Variants in PPARGC1A observed in about 807,000 individuals in gnomAD.
PPARGC1A encodes the protein peroxisome proliferator-activated receptor gamma coactivator 1-alpha.
PPARGC1A carries 25 observed loss-of-function variants against 88.7 expected under a neutral mutation model. The ratio of observed to expected loss-of-function variants is 0.28; its 90% CI spans 0.21 to 0.39. PPARGC1A has a LOEUF of 0.39. Among genes scored for constraint, PPARGC1A ranks in the 10% least tolerant of loss-of-function variants. PPARGC1A has a pLI of 1.00. For synonymous variants in PPARGC1A, 363 were observed against 355.6 expected, an observed-to-expected ratio of 1.02 and a Z score of -0.24; for missense variants, 880 against 968.7, an observed-to-expected ratio of 0.91 and a Z score of 1.22.
At chr4:24,177,543 C>T in the PPARGC1A span, among the ~76,000 whole-genome samples, 3 of 151,538 alleles carry the variant, frequency 2.0e-5, no homozygotes, top group East Asian at 5.8e-4. Context: ...GTGCAGCACA[C>T]CAACATGGCA....
the PPARGC1A span, among the ~76,000 whole-genome samples, chr4:23,943,346 T>G: frequency 6.6e-6 from 1 of 152,048 alleles, no homozygotes; most frequent in Admixed American, 6.6e-5. Context: ...GGTTTTGCCT[T>G]TGTAGAAAGT....
chr4:24,257,691 T>G, the PPARGC1A span, among the ~76,000 whole-genome samples: 1 of 152,184 alleles, frequency 6.6e-6, no homozygotes, highest in African/African-American at 2.4e-5. Flanking sequence ...CCCTGCCCCA[T>G]GTCTGCAAAC....
At chr4:23,904,397 C>T (rs577535236), upstream of PPARGC1A, among the ~76,000 whole-genome samples, 5 of 152,262 alleles carry the variant, frequency 3.3e-5, no homozygotes, top group East Asian at 3.9e-4. Flanking sequence ...GGTGCACTCT[C>T]CCTGTGATTT....
the PPARGC1A span, among the ~76,000 whole-genome samples, chr4:24,159,114 T>C: frequency 3.3e-5 from 5 of 152,128 alleles, no homozygotes; most frequent in Admixed American, 6.5e-5. Flanking sequence ...TTATAAATGT[T>C]GTCTTATTTG....
the PPARGC1A span, among the ~76,000 whole-genome samples, chr4:24,062,787 T>G: frequency 6.6e-6 from 1 of 152,218 alleles, no homozygotes; most frequent in Non-Finnish European, 1.5e-5. Flanking sequence ...ATACTACCAA[T>G]TCAAATAGTC....
chr4:24,235,427 CAT>C, the PPARGC1A span, among the ~76,000 whole-genome samples: 1 of 152,200 alleles, frequency 6.6e-6, no homozygotes. Context: ...CCAGCCACCA[CAT>C]GAGAATTGTC....
the PPARGC1A span, among the ~76,000 whole-genome samples, chr4:24,382,920 G>A: frequency 6.6e-6 from 1 of 152,308 alleles, no homozygotes; most frequent in South Asian, 2.1e-4. Flanking sequence ...GTGGGTCCCT[G>A]ACCCCCATGC....
rs565625219 is a variant in PPARGC1A at position 23,824,525 on chromosome 4, G to A, written c.758-17C>T. ...TTGGTTTGGCTAAAGAAAAAAAAAA[G>A]AAACTAATTATGTAATATTGAGTGT... is the stretch of plus-strand genomic sequence containing the variant. On this transcript the variant is annotated splice_polypyrimidine_tract_variant and intron_variant, in intron 5 of 12. Coordinates refer to ENST00000264867, the MANE Select transcript of PPARGC1A (RefSeq NM_013261.5). 21 of 1,556,044 alleles carry A rather than the reference G, an allele frequency of 1.3e-5. No homozygotes were observed. The East Asian group carries it at 3.6e-4, about 27-fold the overall frequency.
chr4:24,202,802 T>C, the PPARGC1A span, among the ~76,000 whole-genome samples: 1 of 152,174 alleles, frequency 6.6e-6, no homozygotes, highest in Non-Finnish European at 1.5e-5. Context: ...GGTCATTACC[T>C]GGCAACATGA....
the PPARGC1A span, among the ~76,000 whole-genome samples, chr4:24,401,152 G>A: frequency 6.6e-6 from 1 of 150,894 alleles, no homozygotes. Flanking sequence ...CCGAGTAGCT[G>A]GGGCTACAGG....
At chr4:23,990,193 A>G in the PPARGC1A span, among the ~76,000 whole-genome samples, 1 of 148,320 alleles carries the variant, frequency 6.7e-6, no homozygotes, top group Non-Finnish European at 1.5e-5. Flanking sequence ...TTGGTTAAAA[A>G]GAGGTCACAT....
At chr4:24,078,481 C>A in the PPARGC1A span, among the ~76,000 whole-genome samples, 1 of 152,126 alleles carries the variant, frequency 6.6e-6, no homozygotes, top group African/African-American at 2.4e-5. Context: ...CTGTGCCTAA[C>A]TGTCCCCTAG....
At chr4:24,143,648 A>G in the PPARGC1A span, among the ~76,000 whole-genome samples, 3 of 152,270 alleles carry the variant, frequency 2.0e-5, no homozygotes, top group Non-Finnish European at 4.4e-5. Flanking sequence ...TAGATGATAG[A>G]TAGACAAATG....
At chr4:24,270,705 T>C in the PPARGC1A span, among the ~76,000 whole-genome samples, 1 of 152,218 alleles carries the variant, frequency 6.6e-6, no homozygotes, top group Admixed American at 6.5e-5. Context: ...GGGTTCAGCA[T>C]GCCGAAGATA....
the PPARGC1A span, among the ~76,000 whole-genome samples, chr4:23,933,627 G>A: frequency 6.6e-6 from 1 of 152,184 alleles, no homozygotes; most frequent in Non-Finnish European, 1.5e-5. Context: ...AGGCTAGAAA[G>A]CATTTTATTT....
At chr4:24,006,042 T>C in the PPARGC1A span, among the ~76,000 whole-genome samples, 1 of 152,046 alleles carries the variant, frequency 6.6e-6, no homozygotes, top group African/African-American at 2.4e-5. Context: ...TTTTGTGTTG[T>C]TGTTGTTGGT....
the PPARGC1A span, among the ~76,000 whole-genome samples, chr4:24,270,351 G>GTA: frequency 1.4e-5 from 2 of 141,922 alleles, no homozygotes; most frequent in African/African-American, 5.3e-5. Flanking sequence ...GTGTGTGTGT[G>GTA]TGTGTATGTG....
At chr4:24,244,335 T>C in the PPARGC1A span, among the ~76,000 whole-genome samples, 7 of 152,224 alleles carry the variant, frequency 4.6e-5, no homozygotes, top group Non-Finnish European at 1.0e-4. Context: ...TATTAGATCT[T>C]ATGGTCGGAT....
intron 2 of PPARGC1A, among the ~76,000 whole-genome samples, chr4:23,865,347 C>T (rs956126506): frequency 6.6e-6 from 1 of 152,126 alleles, no homozygotes; most frequent in Admixed American, 6.5e-5. Context: ...GCAGTAAGAA[C>T]CAGGAAATCT....
Sources: gnomAD v4.1 joint callset for allele counts (sites outside exome capture counted in the v4.1 genomes callset) on GRCh38, gnomAD v4.1.1 for gene constraint, MANE v1.5 for transcripts, NCBI Gene and HGNC (gene_info 2026-07-23, HGNC 2026-07-21) for gene names.